TAFA1: variants seen among roughly 807,000 people sequenced by gnomAD.
TAFA1 encodes the protein TAFA chemokine like family member 1, also known as chemokine-like protein TAFA-1.
Under a neutral mutation model 18.5 loss-of-function variants are expected in TAFA1, and 4 were observed. That is an observed-to-expected ratio of 0.22 (90% CI 0.11 to 0.49). The LOEUF is 0.49. Among genes scored for constraint, TAFA1 ranks in the 20% least tolerant of loss-of-function variants. The pLI, the probability that TAFA1 is intolerant of heterozygous loss-of-function variation, is 0.98. For synonymous variants in TAFA1, 56 were observed against 55.2 expected (o/e 1.01, Z -0.06); for missense variants, 147 against 169.0 (o/e 0.87, Z 0.72).
At chr3:68,309,830 T>C (rs1019944577) in intron 2 of TAFA1, among the ~76,000 whole-genome samples, 1 of 152,210 alleles carries the variant, frequency 6.6e-6, no homozygotes, top group Non-Finnish European at 1.5e-5. Context: ...ATTTTCATAC[T>C]TCACTTCCTT....
intron 2 of TAFA1, among the ~76,000 whole-genome samples, chr3:68,389,151 T>A (rs761552759): frequency 9.2e-5 from 14 of 152,286 alleles, no homozygotes; most frequent in South Asian, 4.1e-4. Context: ...GCCTAGACAG[T>A]CTTTATTCTG....
At chr3:68,471,965 T>C (rs778806854) in intron 3 of TAFA1, among the ~76,000 whole-genome samples, 10 of 152,278 alleles carry the variant, frequency 6.6e-5, no homozygotes, top group Middle Eastern at 6.8e-3. Flanking sequence ...TTGCCTACTC[T>C]CAGATGAGAC....
At chr3:68,434,482 T>C (rs1293827327) in intron 3 of TAFA1, among the ~76,000 whole-genome samples, 2 of 152,126 alleles carry the variant, frequency 1.3e-5, no homozygotes, top group African/African-American at 4.8e-5. Context: ...TTACAGTACA[T>C]TGAAGAGCTT....
chr3:68,213,869 T>G (rs774169512), intron 2 of TAFA1, among the ~76,000 whole-genome samples: 1 of 152,112 alleles, frequency 6.6e-6, no homozygotes, highest in East Asian at 1.9e-4. Flanking sequence ...TCTTCCAATA[T>G]TGAATCAATT....
chr3:68,090,315 C>T (rs2065015842), intron 2 of TAFA1, among the ~76,000 whole-genome samples: 1 of 152,088 alleles, frequency 6.6e-6, no homozygotes, highest in Admixed American at 6.5e-5. Flanking sequence ...ATCACGTGTA[C>T]CCTTTACTCA....
chr3:68,500,602 A>G (rs770574374), intron 3 of TAFA1, among the ~76,000 whole-genome samples: 20 of 152,094 alleles, frequency 1.3e-4, no homozygotes, highest in Non-Finnish European at 2.4e-4. Context: ...CCATTTGTTT[A>G]TATATCATCT....
At chr3:68,153,326 T>C (rs2065829471) in intron 2 of TAFA1, among the ~76,000 whole-genome samples, 1 of 152,190 alleles carries the variant, frequency 6.6e-6, no homozygotes, top group Admixed American at 6.5e-5. Context: ...CTGAAATGAA[T>C]AAAGTTGTTT....
intron 2 of TAFA1, among the ~76,000 whole-genome samples, chr3:68,111,112 T>C (rs977582628): frequency 6.6e-6 from 1 of 152,202 alleles, no homozygotes; most frequent in African/African-American, 2.4e-5. Flanking sequence ...AGGCTACCAC[T>C]ACAGATCAAA....
intron 3 of TAFA1, among the ~76,000 whole-genome samples, chr3:68,451,986 G>T (rs1390785951): frequency 6.6e-6 from 1 of 152,160 alleles, no homozygotes; most frequent in Non-Finnish European, 1.5e-5. Flanking sequence ...AACCGTGAAG[G>T]AATCTGGATG....
At chr3:68,111,366 AAAAT>A (rs1283556874) in intron 2 of TAFA1, among the ~76,000 whole-genome samples, 9 of 152,164 alleles carry the variant, frequency 5.9e-5, no homozygotes, top group Non-Finnish European at 1.2e-4. Context: ...AAAGGAGGGC[AAAAT>A]AAATATATAT....
At chr3:68,013,467 C>A (rs1039602642) in intron 2 of TAFA1, among the ~76,000 whole-genome samples, 1 of 152,070 alleles carries the variant, frequency 6.6e-6, no homozygotes, top group Non-Finnish European at 1.5e-5. Context: ...AAAATTAAAT[C>A]CCTAAGGTTT....
intron 2 of TAFA1, chr3:68,145,168 T>A: frequency 1.2e-6 from 1 of 842,904 alleles, no homozygotes; most frequent in Non-Finnish European, 2.1e-6. Context: ...ATGCAAGATA[T>A]CTTTGGAAAA....
intron 2 of TAFA1, among the ~76,000 whole-genome samples, chr3:68,114,767 T>C (rs1294520977): frequency 1.3e-5 from 2 of 152,210 alleles, no homozygotes; most frequent in African/African-American, 2.4e-5. Flanking sequence ...TTCATATCAG[T>C]ATTATTTATA....
chr3:68,087,238 G>C (rs1233071866), intron 2 of TAFA1, among the ~76,000 whole-genome samples: 2 of 152,122 alleles, frequency 1.3e-5, no homozygotes, highest in Non-Finnish European at 2.9e-5. Flanking sequence ...AGTTGAAAAT[G>C]CTGGGAAATA....
chr3:68,309,045 A>G (rs749264428), intron 2 of TAFA1, among the ~76,000 whole-genome samples: 5 of 152,088 alleles, frequency 3.3e-5, no homozygotes, highest in African/African-American at 9.7e-5. Context: ...GAATGCTCTC[A>G]TCACAGATCT....
intron 2 of TAFA1, among the ~76,000 whole-genome samples, chr3:68,373,986 A>T (rs961475822): frequency 2.4e-4 from 37 of 152,174 alleles, no homozygotes; most frequent in African/African-American, 8.9e-4. Context: ...ATACAACACA[A>T]GGAGGAAATT....
At chr3:68,220,783 T>A (rs1438704315) in intron 2 of TAFA1, among the ~76,000 whole-genome samples, 1 of 152,112 alleles carries the variant, frequency 6.6e-6, no homozygotes, top group Admixed American at 6.6e-5. Context: ...TATTCCTTCA[T>A]CATTTTCTTG....
chr3:68,376,753 T>G (rs754226119), intron 2 of TAFA1, among the ~76,000 whole-genome samples: 2 of 152,184 alleles, frequency 1.3e-5, no homozygotes, highest in Non-Finnish European at 2.9e-5. Flanking sequence ...TGATTTATAT[T>G]CCTTTGGGTA....
intron 2 of TAFA1, among the ~76,000 whole-genome samples, chr3:68,278,790 C>T (rs548537978): frequency 3.3e-5 from 5 of 152,188 alleles, no homozygotes; most frequent in Non-Finnish European, 5.9e-5. Flanking sequence ...CCCATAGATT[C>T]GCATTCAGTA....
Sources: allele counts gnomAD v4.1 joint callset (sites outside exome capture counted in the v4.1 genomes callset), GRCh38; gene constraint gnomAD v4.1.1; transcripts MANE v1.5; gene names NCBI Gene and HGNC (gene_info 2026-07-23, HGNC 2026-07-21).